The following CSMD2 variants were observed in gnomAD, a reference collection of about 807,000 sequenced individuals.
The protein encoded by CSMD2 is CUB and sushi domain-containing protein 2.
A neutral mutation model predicts 398.5 loss-of-function variants in CSMD2; 130 were observed. The observed-to-expected ratio is 0.33, with a 90% CI of 0.28 to 0.38. The LOEUF is 0.38. Among genes scored for constraint, CSMD2 ranks in the 10% least tolerant of loss-of-function variants. The pLI, the probability that CSMD2 is intolerant of heterozygous loss-of-function variation, is 1.00. For missense variants in CSMD2, 3,829 were observed against 4,764.9 expected, an observed-to-expected ratio of 0.80 and a Z score of 5.78; for synonymous variants, 1,828 against 1,908.5, an observed-to-expected ratio of 0.96 and a Z score of 1.10.
chr1:33,524,456 C>T (rs1388866308), intron 66 of CSMD2, among the ~76,000 whole-genome samples: 1 of 152,124 alleles, frequency 6.6e-6, no homozygotes, highest in Non-Finnish European at 1.5e-5. Context: ...CTGAACCCGA[C>T]CTGCACTAAG....
intron 3 of CSMD2, among the ~76,000 whole-genome samples, chr1:34,008,066 G>A (rs571171125): frequency 3.9e-5 from 6 of 152,286 alleles, no homozygotes; most frequent in Admixed American, 2.0e-4. Flanking sequence ...TATGGAGTGC[G>A]CAAAACCAAA....
intron 2 of CSMD2, among the ~76,000 whole-genome samples, chr1:34,076,221 G>C (rs1279495897): frequency 6.6e-6 from 1 of 152,216 alleles, no homozygotes; most frequent in Non-Finnish European, 1.5e-5. Flanking sequence ...CCAGTACATA[G>C]CATCAGTGAG....
intron 3 of CSMD2, among the ~76,000 whole-genome samples, chr1:34,031,484 G>A (rs2148149949): frequency 6.6e-6 from 1 of 152,212 alleles, no homozygotes; most frequent in Non-Finnish European, 1.5e-5. Context: ...GAAGCCCTCA[G>A]CAAAAGACAG....
intron 1 of CSMD2, among the ~76,000 whole-genome samples, chr1:34,102,545 C>T (rs1660056198): frequency 7.7e-6 from 1 of 130,230 alleles, no homozygotes; most frequent in Admixed American, 8.2e-5. Flanking sequence ...CTTGTCCCCT[C>T]ATCCCTGTGA....
At chr1:33,968,877 G>A (rs1645653626) in intron 3 of CSMD2, among the ~76,000 whole-genome samples, 1 of 152,182 alleles carries the variant, frequency 6.6e-6, no homozygotes, top group African/African-American at 2.4e-5. Context: ...AATTTATTGG[G>A]AACAATAGGA....
At chr1:33,643,418 C>T (rs1643224729) in intron 29 of CSMD2, among the ~76,000 whole-genome samples, 1 of 152,218 alleles carries the variant, frequency 6.6e-6, no homozygotes, top group Non-Finnish European at 1.5e-5. Flanking sequence ...ATTCTCCCTT[C>T]CAAACAAAGG....
At chr1:33,986,022 C>A (rs1448658049) in intron 3 of CSMD2, among the ~76,000 whole-genome samples, 1 of 152,146 alleles carries the variant, frequency 6.6e-6, no homozygotes, top group South Asian at 2.1e-4. Flanking sequence ...GTCTGACTGC[C>A]CCAACCCAGG....
intron 15 of CSMD2, among the ~76,000 whole-genome samples, chr1:33,727,977 C>A (rs1646594469): frequency 6.6e-6 from 1 of 152,154 alleles, no homozygotes; most frequent in African/African-American, 2.4e-5. Context: ...CATACGTAAT[C>A]ATGTTCACTC....
At chr1:33,528,576 G>C (rs1397744885) in intron 64 of CSMD2, among the ~76,000 whole-genome samples, 2 of 152,182 alleles carry the variant, frequency 1.3e-5, no homozygotes, top group South Asian at 4.1e-4. Context: ...GAGCAAAGAA[G>C]GAGAAAGCAT....
intron 27 of CSMD2, among the ~76,000 whole-genome samples, chr1:33,653,154 G>GT (rs751814097): frequency 2.0e-5 from 3 of 152,096 alleles, no homozygotes; most frequent in Non-Finnish European, 2.9e-5. Context: ...TGTCTCTCCC[G>GT]TATCATAAAA....
rs556292468 is a variant in CSMD2 at position 33,942,681 on chromosome 1, C to T, written c.518-6727G>A. On this transcript the variant is annotated intron_variant, in intron 3 of 70. Transcript: ENST00000373381. ...AATCATAACGTGAGAAACAGAGCCTCGGCTGCTCCAGGAGACTGAAAAGCT... is the reference window on the plus strand; with the variant it reads ...AATCATAACGTGAGAAACAGAGCCTTGGCTGCTCCAGGAGACTGAAAAGCT... Among the ~76,000 whole-genome samples, 18 of 152,372 alleles carry T rather than the reference C, an allele frequency of 1.2e-4. No individual in the cohort carries two copies. In the South Asian group the frequency reaches 2.3e-3, roughly 19 times the overall value.
At chr1:34,071,474 G>C (rs1002562139) in intron 2 of CSMD2, among the ~76,000 whole-genome samples, 6 of 152,360 alleles carry the variant, frequency 3.9e-5, no homozygotes, top group African/African-American at 1.4e-4. Flanking sequence ...GAGGAGGTGG[G>C]TTCTGCTCCA....
Position 33,937,611 on chromosome 1 carries a change from C to G in CSMD2, c.518-1657G>C, listed in dbSNP as rs140539566. ...CTCTGAAAAAAGGTATTCCCTCCCC[C>G]TTCCTCTCTTCCTCCTCTGAGAGGA... is the stretch of plus-strand genomic sequence containing the variant. On this transcript the variant is annotated intron_variant, in intron 3 of 70. Coordinates refer to ENST00000373381, the MANE Select transcript of CSMD2 (RefSeq NM_001281956.2). Among the ~76,000 whole-genome samples the G allele has an allele frequency of 1.6e-4, 24 of 152,298 alleles. 2 individuals are homozygous for G. Among genetic ancestry groups the G allele is most frequent in the African/African-American group, 5.8e-4 (24 of 41,566 alleles).
chr1:33,687,214 C>A (rs1206878955), intron 25 of CSMD2, among the ~76,000 whole-genome samples: 1 of 152,126 alleles, frequency 6.6e-6, no homozygotes, highest in Admixed American at 6.5e-5. Context: ...AATAATCAAA[C>A]CAAATGGCTC....
At chr1:33,581,981 A>T (rs1638759814) in intron 47 of CSMD2, among the ~76,000 whole-genome samples, 1 of 152,200 alleles carries the variant, frequency 6.6e-6, no homozygotes, top group Non-Finnish European at 1.5e-5. Flanking sequence ...CTGCTGTGTA[A>T]AAGTTGACCA....
Position 33,635,474 on chromosome 1 carries a change from T to C in CSMD2, c.4970-144A>G, listed in dbSNP as rs1642740956. ...GCCCTAGCTTGGAGAAGGCAAGTCC[T>C]GCGGACCCTGCCCTGCCCAAGAACG... On this transcript the variant is annotated intron_variant, in intron 30 of 70. Coordinates refer to ENST00000373381, the MANE Select transcript of CSMD2 (RefSeq NM_001281956.2). This position sits in a 1 kb window ranked among gnomAD's most constrained non-coding sequence, Gnocchi z 5.0. 1 of 577,072 alleles carries C rather than the reference T, an allele frequency of 1.7e-6. No individual in the cohort carries two copies. Among genetic ancestry groups the C allele is most frequent in the Non-Finnish European group, 3.1e-6 (1 of 322,620 alleles). The allele number at this position is 577,072 out of a possible 1,614,324, so 35.7% of individuals were successfully genotyped here.
chr1:33,584,109 G>GA (rs1638908263), intron 46 of CSMD2, among the ~76,000 whole-genome samples: 1 of 152,294 alleles, frequency 6.6e-6, no homozygotes, highest in African/African-American at 2.4e-5. Context: ...GAGTAGGGGA[G>GA]GATGGAACAT....
chr1:34,055,685 A>C (rs1653753197), intron 2 of CSMD2, among the ~76,000 whole-genome samples: 1 of 152,342 alleles, frequency 6.6e-6, no homozygotes, highest in African/African-American at 2.4e-5. Flanking sequence ...CTCTTTGAGC[A>C]TATCAGTCTC....
At chr1:33,988,462 C>T (rs755158757) in intron 3 of CSMD2, among the ~76,000 whole-genome samples, 5 of 152,332 alleles carry the variant, frequency 3.3e-5, no homozygotes, top group Admixed American at 1.3e-4. Context: ...TCTGCTCAAA[C>T]GCTGTCTTCT....
Sources: gnomAD v4.1 joint callset for allele counts (sites outside exome capture counted in the v4.1 genomes callset) on GRCh38, gnomAD v4.1.1 for gene constraint, Gnocchi (gnomAD v3.1) non-coding constraint, MANE v1.5 for transcripts, NCBI Gene and HGNC (gene_info 2026-07-23, HGNC 2026-07-21) for gene names.